The following CDC16 variants were observed in gnomAD, a reference collection of about 807,000 sequenced individuals.
The protein encoded by CDC16 is cell division cycle 16.
CDC16 carries 34 observed loss-of-function variants against 87.0 expected under a neutral mutation model. The ratio of observed to expected loss-of-function variants is 0.39; its 90% CI spans 0.30 to 0.52. CDC16 has a LOEUF of 0.52. CDC16 is among the 20% of genes least tolerant of loss of function. CDC16 has a pLI of 0.74. For synonymous variants in CDC16, 263 were observed against 260.6 expected (o/e 1.01, Z -0.09); for missense variants, 653 against 751.9 (o/e 0.87, Z 1.54).
rs2082544779 is a variant in CDC16, at chr13:114,257,069, A to G, written c.1098-9A>G. 3.3e-6 allele frequency: 5 copies of G among 1,520,322 alleles called. No homozygotes were observed. Among genetic ancestry groups the G allele is most frequent in the East Asian group, 2.4e-5 (1 of 41,858 alleles). 94.2% of individuals were successfully genotyped at this position (1,520,322 alleles called of 1,614,324 possible). A position where few individuals can be genotyped will look rare whatever the true frequency, so the allele number is the denominator to read the frequency against. Reference sequence around the variant, plus strand: ...GGTGTTGAATATGTGAAATTTTCCAATTTTTTAGGTGTCATTTGCCTATGC... The same window carrying G: ...GGTGTTGAATATGTGAAATTTTCCAGTTTTTTAGGTGTCATTTGCCTATGC... On this transcript the variant is annotated splice_polypyrimidine_tract_variant and intron_variant, in intron 12 of 17. Transcript: ENST00000356221.
intron 16 of CDC16, 197 bp from the exon 17 acceptor site, chr13:114,264,953 A>G: frequency 2.0e-6 from 1 of 500,014 alleles, no homozygotes; most frequent in African/African-American, 1.9e-5. Context: ...GATTTCCAGC[A>G]TAAGAAAATA....
chr13:114,262,921 G>A lies in CDC16; in HGVS notation c.1419G>A (p.Val473=), dbSNP rs1456657736. 1 of 1,614,026 alleles carries A rather than the reference G, an allele frequency of 6.2e-7. No individual in the cohort carries two copies. Among genetic ancestry groups the A allele is most frequent in the African/African-American group, 1.3e-5 (1 of 74,948 alleles). ...TGGATTACCACCGTCAGGCACTGGTGTTGATTCCTCAGAACGCATCCACCT... is the reference window on the plus strand; with the variant it reads ...TGGATTACCACCGTCAGGCACTGGTATTGATTCCTCAGAACGCATCCACCT... The part of the protein sequence containing the change: ...EALDYHRQAL[V]LIPQNASTYS... Residue 473 remains valine, a synonymous_variant, in exon 16 of 18, where the codon GTG becomes GTA. Coordinates refer to ENST00000356221, the MANE Select transcript of CDC16 (RefSeq NM_001078645.3).
At chr13:114,238,251 T>A (rs2081356323) in intron 3 of CDC16, among the ~76,000 whole-genome samples, 1 of 147,338 alleles carries the variant, frequency 6.8e-6, no homozygotes, top group African/African-American at 2.6e-5. Flanking sequence ...GCCCAGCAGT[T>A]ATTCACACTC....
intron 11 of CDC16, among the ~76,000 whole-genome samples, chr13:114,249,910 G>A (rs2082074146): frequency 6.6e-6 from 1 of 152,180 alleles, no homozygotes; most frequent in East Asian, 1.9e-4. Context: ...CTATTAAACA[G>A]TTTTAGTTCA....
chr13:114,240,835 T>C (rs977665705), intron 5 of CDC16, among the ~76,000 whole-genome samples: 1 of 152,214 alleles, frequency 6.6e-6, no homozygotes, highest in African/African-American at 2.4e-5. Context: ...TTTATGAAAG[T>C]GTGTGGTACA....
rs775625144 is a variant in CDC16, at chr13:114,257,245, A to G, written c.1250+15A>G. On this transcript the variant is annotated intron_variant, in intron 13 of 17. Transcript: ENST00000356221. ...CAGAATGGAGAGTAAGTACTGGAAG[A>G]CCAGAAACCCTTCTGTTAACTAGTG... 6.3e-7 allele frequency: 1 copy of G among 1,587,594 alleles called. No homozygotes were observed. The highest frequency in any genetic ancestry group is 1.1e-5 in the South Asian group (1 of 88,282).
At chr13:114,257,016 G>A in intron 12 of CDC16, 62 bp from the exon 13 acceptor site, 1 of 1,078,896 alleles carries the variant, frequency 9.3e-7, no homozygotes, top group Non-Finnish European at 1.4e-6. Flanking sequence ...GAAGTTGACA[G>A]ATTAATTTCT....
chr13:114,264,158 A>T (rs1192763960), intron 16 of CDC16: 1 of 152,198 alleles, frequency 6.6e-6, no homozygotes, highest in Admixed American at 6.5e-5. Flanking sequence ...AGTTTGTCAG[A>T]AGTTTGGACT....
At chr13:114,250,798 A>G (rs919918288) in intron 12 of CDC16, 124 bp downstream of exon 12, 4 of 924,688 alleles carry the variant, frequency 4.3e-6, no homozygotes, top group African/African-American at 1.7e-5. Flanking sequence ...TTGCCTTTTA[A>G]TCTAGTTGCT....
At chr13:114,261,801 T>C in intron 14 of CDC16, 86 bp from the exon 15 acceptor site, 3 of 891,454 alleles carry the variant, frequency 3.4e-6, no homozygotes, top group Non-Finnish European at 3.5e-6. Context: ...GAGCCCAGCT[T>C]GCAAGGCGTG....
chr13:114,250,937 G>T (rs1161518795), intron 12 of CDC16, among the ~76,000 whole-genome samples: 2 of 152,140 alleles, frequency 1.3e-5, no homozygotes, highest in Non-Finnish European at 2.9e-5. Context: ...AGTTCTGGAA[G>T]CCCTTCCTCA....
intron 4 of CDC16, 148 bp downstream of exon 4, chr13:114,239,176 C>G: frequency 1.4e-5 from 19 of 1,395,512 alleles, no homozygotes; most frequent in Non-Finnish European, 1.8e-5. Flanking sequence ...GTCATGTTTG[C>G]TATAAAATAC....
chr13:114,248,042 T>G (rs2081966653), intron 11 of CDC16, among the ~76,000 whole-genome samples: 1 of 152,232 alleles, frequency 6.6e-6, no homozygotes, highest in Non-Finnish European at 1.5e-5. Context: ...TATGTAAAAT[T>G]GGGGTCACTA....
chr13:114,252,426 G>A (rs2082248073), intron 12 of CDC16, among the ~76,000 whole-genome samples: 1 of 152,156 alleles, frequency 6.6e-6, no homozygotes, highest in Non-Finnish European at 1.5e-5. Context: ...GGGGCAGAGG[G>A]GACACAAACA....
chr13:114,257,594 C>T (rs2082584686), intron 13 of CDC16, among the ~76,000 whole-genome samples: 1 of 152,050 alleles, frequency 6.6e-6, no homozygotes, highest in African/African-American at 2.4e-5. Context: ...GTTTTTGAAA[C>T]AAAAGTGTTT....
chr13:114,258,919 G>A (rs1208004392), intron 13 of CDC16, among the ~76,000 whole-genome samples: 6 of 151,936 alleles, frequency 3.9e-5, no homozygotes, highest in Admixed American at 6.6e-5. Flanking sequence ...GCAACATGGC[G>A]AAACCCCATC....
At chr13:114,251,913 T>TTACACTAGCCCTGTTGGATAAGAGCCC (rs1180672795) in intron 12 of CDC16, among the ~76,000 whole-genome samples, 1 of 151,320 alleles carries the variant, frequency 6.6e-6, no homozygotes, top group African/African-American at 2.4e-5. Flanking sequence ...GATAAAAGCC[T>TTACACTAGCCCTGTTGGATAAGAGCCC]TACACTAGCC....
In CDC16 at chr13:114,236,965, G is replaced by C. The variant is rs570307814; in HGVS notation, c.201+69G>C. The C allele has an allele frequency of 6.9e-6, 7 of 1,017,418 alleles. No individual in the cohort carries two copies. The South Asian group carries it at 8.1e-5, about 12-fold the overall frequency. 63.0% of individuals were successfully genotyped at this position (1,017,418 alleles called of 1,614,324 possible). A position where few individuals can be genotyped will look rare whatever the true frequency, so the allele number is the denominator to read the frequency against. On this transcript the variant is annotated intron_variant, in intron 3 of 17. Transcript: ENST00000356221. The stretch of plus-strand genomic sequence containing the variant: ...AAAATGTCATTAGTGGCCGGGCGCG[G>C]TGGCTTACACCTGTAATCCCAGCGC...
At chr13:114,266,733 G>A (rs1406243259) in intron 17 of CDC16, among the ~76,000 whole-genome samples, 1 of 150,490 alleles carries the variant, frequency 6.6e-6, no homozygotes, top group Non-Finnish European at 1.5e-5. Context: ...TCGCTCTGTC[G>A]CCCAGGGTGG....
Sources: allele counts gnomAD v4.1 joint callset (sites outside exome capture counted in the v4.1 genomes callset), GRCh38; gene constraint gnomAD v4.1.1; transcripts MANE v1.5; gene names NCBI Gene and HGNC (gene_info 2026-07-23, HGNC 2026-07-21).